ELAVL3: variants seen among roughly 807,000 people sequenced by gnomAD.
ELAVL3 encodes the protein ELAV like RNA binding protein 3.
A neutral mutation model predicts 34.2 loss-of-function variants in ELAVL3; 8 were observed. The observed-to-expected ratio is 0.23, with a 90% CI of 0.14 to 0.42. The LOEUF is 0.42. ELAVL3 is among the 10% of genes least tolerant of loss of function. The pLI is 1.00. For synonymous variants in ELAVL3, 209 were observed against 222.1 expected (o/e 0.94, Z 0.53); for missense variants, 273 against 518.8 (o/e 0.53, Z 4.60).
chr19:11,454,525 C>T lies in ELAVL3; in HGVS notation c.*1G>A. 3 of 1,594,268 alleles carry T rather than the reference C, an allele frequency of 1.9e-6. No homozygotes were observed. The highest frequency in any genetic ancestry group is 2.2e-5 in the East Asian group (1 of 44,562). The stretch of plus-strand genomic sequence containing the variant: ...GGGGTGGGAGGGCAGGCGGGGTGGG[C>T]TCACGCCTTGTGCTGTTTGCTGGTC... On this transcript the variant is annotated 3_prime_UTR_variant, in exon 7 of 7. Transcript: ENST00000359227. This position sits in a 1 kb window ranked among gnomAD's most constrained non-coding sequence, Gnocchi z 9.2.
intron 1 of ELAVL3, among the ~76,000 whole-genome samples, chr19:11,469,203 C>T (rs1463652856): frequency 6.6e-6 from 1 of 152,200 alleles, no homozygotes; most frequent in East Asian, 1.9e-4. Context: ...GTTGGAATTA[C>T]AGGCGTGAGC....
intron 3 of ELAVL3, among the ~76,000 whole-genome samples, chr19:11,461,795 TGATA>T (rs1970890918): frequency 6.6e-6 from 1 of 152,122 alleles, no homozygotes; most frequent in South Asian, 2.1e-4. Context: ...ATTAACCTCT[TGATA>T]GATAGGGGTC....
intron 3 of ELAVL3, among the ~76,000 whole-genome samples, chr19:11,462,889 G>T (rs1970919851): frequency 6.6e-6 from 1 of 150,768 alleles, no homozygotes; most frequent in Non-Finnish European, 1.5e-5. Context: ...TTGAACCTGG[G>T]AGGCAGAGGT....
intron 3 of ELAVL3, among the ~76,000 whole-genome samples, chr19:11,464,235 C>G (rs2144890864): frequency 8.6e-3 from 1 of 116 alleles, no homozygotes; most frequent in South Asian, 0.25. Context: ...AAACATGACT[C>G]ACTGTAGCCT....
rs577884335 is a variant in ELAVL3 at position 11,470,067 on chromosome 19, A to T, written c.10-3240T>A. On this transcript the variant is annotated intron_variant, in intron 1 of 6. Transcript: ENST00000359227. ...GTGAGACCCTGTCTCAAAAATAAAT[A>T]AATAAAGCTGGGGGCAGTGGCTCAA... Among the ~76,000 whole-genome samples, 8 of 152,010 alleles carry T rather than the reference A, an allele frequency of 5.3e-5. No individual in the cohort carries two copies. The South Asian group carries it at 1.7e-3, about 32-fold the overall frequency.
chr19:11,462,188 A>AAAG (rs1321563287), intron 3 of ELAVL3, among the ~76,000 whole-genome samples: 1 of 151,780 alleles, frequency 6.6e-6, no homozygotes, highest in African/African-American at 2.4e-5. Context: ...AAAAAAAAAA[A>AAAG]AAAAGAAATA....
chr19:11,465,064 T>TG (rs1971008356), intron 3 of ELAVL3, among the ~76,000 whole-genome samples: 1 of 24,814 alleles, frequency 4.0e-5, no homozygotes. Context: ...CATACACACA[T>TG]CCCACACACC....
chr19:11,451,810 GGT>G lies in ELAVL3; in HGVS notation c.*2714_*2715del, dbSNP rs1349556878. On this transcript the variant is annotated 3_prime_UTR_variant, in exon 7 of 7. Transcript: ENST00000359227. ...GGGGCCTAGGCCTCGGTGGGGGGGGGGTGTGTGGGGAGGTGCCCCCTCTCTGG... is the reference window on the plus strand; with the variant it reads ...GGGGCCTAGGCCTCGGTGGGGGGGGGGTGTGGGGAGGTGCCCCCTCTCTGG... 2.0e-3 allele frequency: 298 copies of G among 152,032 alleles called. 1 individual carries two copies. The highest frequency in any genetic ancestry group is 6.8e-3 in the African/African-American group (282 of 41,460). The allele number at this position is 152,032 out of a possible 1,614,324, so 9.4% of individuals were successfully genotyped here.
At chr19:11,456,346 C>T (rs1442173841) in intron 6 of ELAVL3, among the ~76,000 whole-genome samples, 3 of 151,912 alleles carry the variant, frequency 2.0e-5, no homozygotes, top group African/African-American at 7.3e-5. Context: ...CCTCGTGATC[C>T]GCCTGCCTCG....
intron 1 of ELAVL3, among the ~76,000 whole-genome samples, chr19:11,468,129 CAT>C (rs1971093131): frequency 6.6e-6 from 1 of 152,090 alleles, no homozygotes; most frequent in South Asian, 2.1e-4. Context: ...CTTCCCTAAA[CAT>C]ATTTATTTGC....
In ELAVL3 at chr19:11,458,879, C is replaced by T. The variant is rs1314216216; in HGVS notation, c.334-268G>A. Among the ~76,000 whole-genome samples, 1 of 151,956 alleles carries T rather than the reference C, an allele frequency of 6.6e-6. No individual in the cohort carries two copies. The highest frequency in any genetic ancestry group is 6.6e-5 in the Admixed American group (1 of 15,248). On this transcript the variant is annotated intron_variant, in intron 3 of 6. Transcript: ENST00000359227. The surrounding 1 kb of genome is among the most constrained non-coding windows in gnomAD (Gnocchi z 7.3). The stretch of plus-strand genomic sequence containing the variant: ...CATGTCTCCCTGGGGTGACATGTGA[C>T]CCCAAAGGGATCCTTGAATAGCCGG...
At chr19:11,455,634 C>T (rs1372162009) in intron 6 of ELAVL3, among the ~76,000 whole-genome samples, 1 of 150,014 alleles carries the variant, frequency 6.7e-6, no homozygotes. Context: ...GGTCTCGCTG[C>T]GTTAGCCAGG....
chr19:11,456,694 C>T (rs919602846), intron 6 of ELAVL3, among the ~76,000 whole-genome samples: 48 of 151,016 alleles, frequency 3.2e-4, no homozygotes, highest in African/African-American at 1.1e-3. Flanking sequence ...GATAAGGTCT[C>T]GCTCTGTCAC....
At chr19:11,455,502 G>C (rs1017574077) in intron 6 of ELAVL3, among the ~76,000 whole-genome samples, 3 of 152,122 alleles carry the variant, frequency 2.0e-5, no homozygotes, top group African/African-American at 7.2e-5. Context: ...GATCAGGCTG[G>C]TCTCGAACTC....
intron 1 of ELAVL3, among the ~76,000 whole-genome samples, chr19:11,479,759 G>A (rs1317930974): frequency 6.6e-6 from 1 of 151,748 alleles, no homozygotes; most frequent in South Asian, 2.1e-4. Flanking sequence ...TGAAAGCACC[G>A]AGCGCGGGGC....
At chr19:11,473,344 G>A (rs975431304) in intron 1 of ELAVL3, among the ~76,000 whole-genome samples, 2 of 152,088 alleles carry the variant, frequency 1.3e-5, no homozygotes, top group African/African-American at 4.8e-5. Context: ...CAGCCTGGGC[G>A]ACAGAGCGAG....
chr19:11,454,370 G>A lies in ELAVL3; in HGVS notation c.*156C>T. 1 of 723,410 alleles carries A rather than the reference G, an allele frequency of 1.4e-6. No homozygotes were observed. Among genetic ancestry groups the A allele is most frequent in the Non-Finnish European group, 2.2e-6 (1 of 450,172 alleles). The allele number at this position is 723,410 out of a possible 1,614,324, so 44.8% of individuals were successfully genotyped here. The stretch of plus-strand genomic sequence containing the variant: ...CCTGCAGACCCTCCCACCCCAGAGT[G>A]CTCACCCTGTGGCTTCCGCAGGGAC... On this transcript the variant is annotated 3_prime_UTR_variant, in exon 7 of 7. Transcript: ENST00000359227. This position sits in a 1 kb window ranked among gnomAD's most constrained non-coding sequence, Gnocchi z 9.2.
intron 1 of ELAVL3, among the ~76,000 whole-genome samples, chr19:11,479,667 G>A (rs899802055): frequency 5.7e-4 from 86 of 151,478 alleles, no homozygotes; most frequent in African/African-American, 1.9e-3. Context: ...GGGCCTAGAT[G>A]GGCGTGCCCG....
At chr19:11,465,881 A>G (rs1481517555) in intron 3 of ELAVL3, among the ~76,000 whole-genome samples, 1 of 151,968 alleles carries the variant, frequency 6.6e-6, no homozygotes, top group Non-Finnish European at 1.5e-5. Flanking sequence ...GGGACTGCTC[A>G]CAGGACCCTG....
Sources: allele counts gnomAD v4.1 joint callset (sites outside exome capture counted in the v4.1 genomes callset), GRCh38; gene constraint gnomAD v4.1.1; non-coding constraint Gnocchi (gnomAD v3.1); transcripts MANE v1.5; gene names NCBI Gene and HGNC (gene_info 2026-07-23, HGNC 2026-07-21).